Variants in CADM1 observed in about 807,000 individuals in gnomAD.
CADM1 encodes the protein TSLC-1.
Under a neutral mutation model 53.1 loss-of-function variants are expected in CADM1, and 15 were observed. The observed-to-expected ratio is 0.28, with a 90% confidence interval of 0.19 to 0.44. The LOEUF (loss-of-function observed/expected upper bound fraction) is 0.44. Among genes scored for constraint, CADM1 ranks in the 20% least tolerant of loss-of-function variants. The probability of loss-of-function intolerance (pLI) is 1.00; values close to 1 mark genes in which losing one functional copy is unlikely to be tolerated. For missense variants in CADM1, 434 were observed against 611.3 expected (o/e 0.71, Z 3.06); for synonymous variants, 281 against 243.0 (o/e 1.16, Z -1.45).
rs181989853 is a variant in CADM1 at position 115,387,482 on chromosome 11, A to G, written c.124+116789T>C. On this transcript the variant is annotated intron_variant, in intron 1 of 11. Transcript: ENST00000331581. ...GAAGAGAGGTGAGAAAAAGAATAAT[A>G]TAAGTTACGAACTCAAAATTTTACT... Among the ~76,000 whole-genome samples the G allele has an allele frequency of 2.1e-3, 314 of 152,304 alleles. 1 individual carries two copies. Among genetic ancestry groups the G allele is most frequent in the African/African-American group, 6.1e-3 (253 of 41,570 alleles).
intron 1 of CADM1, among the ~76,000 whole-genome samples, chr11:115,288,956 G>A (rs1330152965): frequency 6.6e-6 from 1 of 152,098 alleles, no homozygotes; most frequent in East Asian, 1.9e-4. Flanking sequence ...TCCTGTTCCT[G>A]TAAACCTCAC....
intron 1 of CADM1, among the ~76,000 whole-genome samples, chr11:115,266,009 G>A (rs7934238): frequency 0.03 from 4,549 of 152,248 alleles, 245 homozygotes; most frequent in African/African-American, 0.1. Context: ...GTCAGAAACC[G>A]TAGAAGTGGG....
Position 115,379,974 on chromosome 11 carries a change from C to T in CADM1, c.124+124297G>A, listed in dbSNP as rs183389762. Among the ~76,000 whole-genome samples, 5 of 152,198 alleles carry T rather than the reference C, an allele frequency of 3.3e-5. No homozygotes were observed. The East Asian group carries it at 5.8e-4, about 18-fold the overall frequency. On this transcript the variant is annotated intron_variant, in intron 1 of 11. Coordinates refer to ENST00000331581, the MANE Select transcript of CADM1 (RefSeq NM_001301043.2). ...ATAGACTATATAATAAAAATCAACA[C>T]ATATAGGTCAGATCAATGGGGTGAA...
intron 1 of CADM1, among the ~76,000 whole-genome samples, chr11:115,273,379 T>G (rs1591660820): frequency 6.6e-6 from 1 of 152,208 alleles, no homozygotes; most frequent in South Asian, 2.1e-4. Context: ...ACTGAACACA[T>G]TATTCGATTC....
chr11:115,377,407 T>C (rs753050257), intron 1 of CADM1: 10 of 152,178 alleles, frequency 6.6e-5, no homozygotes, highest in African/African-American at 2.4e-4. Flanking sequence ...TAAATAAAAA[T>C]GCCCAGGAGT....
At chr11:115,224,541 T>C (rs1368704172) in intron 5 of CADM1, among the ~76,000 whole-genome samples, 7 of 152,058 alleles carry the variant, frequency 4.6e-5, no homozygotes. Flanking sequence ...CACAAAACCC[T>C]CAAAAAATGA....
At chr11:115,371,181 T>C (rs909099104) in intron 1 of CADM1, among the ~76,000 whole-genome samples, 3 of 152,164 alleles carry the variant, frequency 2.0e-5, no homozygotes, top group African/African-American at 4.8e-5. Flanking sequence ...TTAAAAGATA[T>C]TTTAAATTAT....
At chr11:115,453,116 C>T (rs1478655059) in intron 1 of CADM1, among the ~76,000 whole-genome samples, 1 of 152,102 alleles carries the variant, frequency 6.6e-6, no homozygotes, top group African/African-American at 2.4e-5. Flanking sequence ...GTGGCTCATG[C>T]CTACAATCCT....
At chr11:115,327,328 C>T (rs1944984037) in intron 1 of CADM1, among the ~76,000 whole-genome samples, 1 of 152,124 alleles carries the variant, frequency 6.6e-6, no homozygotes, top group African/African-American at 2.4e-5. Flanking sequence ...AGCCAATTTT[C>T]CAGCAGATAA....
At chr11:115,498,565 C>T (rs1019250674) in intron 1 of CADM1, among the ~76,000 whole-genome samples, 5 of 152,202 alleles carry the variant, frequency 3.3e-5, no homozygotes, top group Non-Finnish European at 5.9e-5. Context: ...ACTGTATTTG[C>T]ACAACAATAA....
chr11:115,274,258 A>G (rs1943383509), intron 1 of CADM1, among the ~76,000 whole-genome samples: 1 of 152,232 alleles, frequency 6.6e-6, no homozygotes, highest in Non-Finnish European at 1.5e-5. Flanking sequence ...TTTAGACAAC[A>G]GGGGTTTGTT....
intron 7 of CADM1, among the ~76,000 whole-genome samples, chr11:115,211,740 C>T (rs1029883075): frequency 3.3e-5 from 5 of 151,796 alleles, no homozygotes; most frequent in African/African-American, 4.8e-5. Context: ...CCACCCACCT[C>T]GGCCTCCCAA....
chr11:115,342,709 T>C (rs1184895431), intron 1 of CADM1, among the ~76,000 whole-genome samples: 5 of 152,178 alleles, frequency 3.3e-5, no homozygotes, highest in Non-Finnish European at 5.9e-5. Context: ...TCCATAGTAC[T>C]TTGTCCCTTT....
At position 115,174,972 on chromosome 11, in the gene CADM1, T is replaced by C; in HGVS notation, c.*1502A>G. 2 of 985,822 alleles carry C rather than the reference T, an allele frequency of 2.0e-6. No individual in the cohort carries two copies. Among genetic ancestry groups the C allele is most frequent in the Non-Finnish European group, 2.4e-6 (2 of 829,940 alleles). The allele number at this position is 985,822 out of a possible 1,614,324, so 61.1% of individuals were successfully genotyped here. On this transcript the variant is annotated 3_prime_UTR_variant, in exon 12 of 12. Transcript: ENST00000331581. ...TTTTCCCGAGGCTCCCCATCTAAGA[T>C]ATGTTCAAGGTCACTGATTTTAGTA...
chr11:115,421,036 C>T (rs1447406231), intron 1 of CADM1, among the ~76,000 whole-genome samples: 1 of 152,124 alleles, frequency 6.6e-6, no homozygotes, highest in Non-Finnish European at 1.5e-5. Context: ...TTTCCTTGAC[C>T]TTTGCATTGC....
chr11:115,213,284 G>A (rs1238298889), intron 7 of CADM1, among the ~76,000 whole-genome samples: 1 of 152,194 alleles, frequency 6.6e-6, no homozygotes, highest in Non-Finnish European at 1.5e-5. Flanking sequence ...CTGAAAACGG[G>A]CCATGCTGTG....
chr11:115,217,860 A>T, intron 6 of CADM1, 32 bp downstream of exon 6: 1 of 1,367,326 alleles, frequency 7.3e-7, no homozygotes, highest in Non-Finnish European at 1.0e-6. Context: ...ACTGCGCATG[A>T]CCCTCTGCCA....
intron 1 of CADM1, among the ~76,000 whole-genome samples, chr11:115,423,838 C>G (rs929148577): frequency 1.3e-5 from 2 of 152,186 alleles, no homozygotes; most frequent in African/African-American, 4.8e-5. Flanking sequence ...GTTGGTGGCA[C>G]CCATTCCACT....
chr11:115,230,853 A>G (rs2134853700), intron 4 of CADM1, among the ~76,000 whole-genome samples: 1 of 152,376 alleles, frequency 6.6e-6, no homozygotes, highest in South Asian at 2.1e-4. Context: ...CTTGCAGGAA[A>G]GCATATAGTC....
Sources: allele counts gnomAD v4.1 joint callset (sites outside exome capture counted in the v4.1 genomes callset), GRCh38; gene constraint gnomAD v4.1.1; transcripts MANE v1.5; gene names NCBI Gene and HGNC (gene_info 2026-07-23, HGNC 2026-07-21).